Variants in PLXDC2 observed in about 807,000 individuals in gnomAD.
PLXDC2 encodes the protein plexin domain containing 2, also known as plexin domain-containing protein 2.
A neutral mutation model predicts 68.9 loss-of-function variants in PLXDC2; 40 were observed. The observed-to-expected ratio is 0.58, with a 90% CI of 0.45 to 0.76. The LOEUF (loss-of-function observed/expected upper bound fraction) is 0.76, where lower values mean the gene tolerates loss of function less well. PLXDC2 is among the 30% of genes least tolerant of loss of function. PLXDC2 has a pLI of 0.00. For missense variants in PLXDC2, 644 were observed against 661.9 expected (o/e 0.97, Z 0.30); for synonymous variants, 243 against 234.2 (o/e 1.04, Z -0.34).
chr10:19,977,527 G>A (rs1334241231), intron 1 of PLXDC2, among the ~76,000 whole-genome samples: 1 of 152,220 alleles, frequency 6.6e-6, no homozygotes, highest in Non-Finnish European at 1.5e-5. Flanking sequence ...TATAAGGGCA[G>A]TGTGGCTGCT....
At chr10:19,860,345 C>T (rs1310202217) in intron 1 of PLXDC2, among the ~76,000 whole-genome samples, 1 of 152,160 alleles carries the variant, frequency 6.6e-6, no homozygotes, top group Non-Finnish European at 1.5e-5. Flanking sequence ...TGCCATGGTA[C>T]TAAGATTTTC....
intron 4 of PLXDC2, among the ~76,000 whole-genome samples, chr10:20,084,350 G>A (rs1255136381): frequency 1.3e-5 from 2 of 152,140 alleles, no homozygotes; most frequent in Admixed American, 1.3e-4. Context: ...TGTCCTGATT[G>A]GAGGCACCCT....
chr10:20,243,105 A>G (rs945813308), intron 12 of PLXDC2, among the ~76,000 whole-genome samples: 1 of 152,200 alleles, frequency 6.6e-6, no homozygotes, highest in Non-Finnish European at 1.5e-5. Context: ...AGAACTCACA[A>G]CATGAAATAA....
At chr10:19,834,934 G>A (rs1201748203) in intron 1 of PLXDC2, among the ~76,000 whole-genome samples, 2 of 152,154 alleles carry the variant, frequency 1.3e-5, no homozygotes, top group Admixed American at 1.3e-4. Flanking sequence ...TGAGAAATGG[G>A]AGCATAGGTC....
intron 1 of PLXDC2, among the ~76,000 whole-genome samples, chr10:19,995,849 A>C (rs1008372076): frequency 6.6e-6 from 1 of 152,210 alleles, no homozygotes; most frequent in African/African-American, 2.4e-5. Flanking sequence ...TATTGAGCTG[A>C]ATCTTGAAGG....
chr10:20,215,923 G>A (rs1182652093), intron 10 of PLXDC2, among the ~76,000 whole-genome samples: 2 of 152,030 alleles, frequency 1.3e-5, no homozygotes, highest in Non-Finnish European at 2.9e-5. Context: ...GAGCATAATG[G>A]GAGAGGTGAT....
chr10:19,830,372 G>C (rs1340829623), intron 1 of PLXDC2, among the ~76,000 whole-genome samples: 4 of 152,172 alleles, frequency 2.6e-5, no homozygotes, highest in Non-Finnish European at 5.9e-5. Context: ...GTTCAGGTCA[G>C]CATCTACCAT....
intron 13 of PLXDC2, among the ~76,000 whole-genome samples, chr10:20,271,470 AAG>A (rs1442610402): frequency 6.6e-6 from 1 of 152,206 alleles, no homozygotes; most frequent in Non-Finnish European, 1.5e-5. Context: ...AGAATTCAAC[AAG>A]AGAAGAGTAA....
intron 9 of PLXDC2, among the ~76,000 whole-genome samples, chr10:20,186,466 G>T (rs1341042935): frequency 6.6e-6 from 1 of 151,732 alleles, no homozygotes; most frequent in Non-Finnish European, 1.5e-5. Context: ...TGTTATATAG[G>T]TAAACTCACG....
At chr10:19,966,380 ATG>A (rs1240296762) in intron 1 of PLXDC2, among the ~76,000 whole-genome samples, 5 of 147,494 alleles carry the variant, frequency 3.4e-5, no homozygotes, top group Non-Finnish European at 7.5e-5. Context: ...AAAAATATAT[ATG>A]TGCACATATA....
chr10:19,843,679 A>G lies in PLXDC2; in HGVS notation c.112+26488A>G, dbSNP rs1249091913. On this transcript the variant is annotated intron_variant, in intron 1 of 13. Coordinates refer to ENST00000377252, the MANE Select transcript of PLXDC2 (RefSeq NM_032812.9). The stretch of plus-strand genomic sequence containing the variant: ...AAATAAGGCAGGAACAGAAAGAAAG[A>G]TCCCACATGTTTCTCATTCATATGT... Among the ~76,000 whole-genome samples, 3 of 152,196 alleles carry G rather than the reference A, an allele frequency of 2.0e-5. No homozygotes were observed. In the South Asian group the frequency reaches 6.2e-4, roughly 32 times the overall value.
chr10:20,040,691 C>T (rs79722338), intron 2 of PLXDC2, among the ~76,000 whole-genome samples: 4,368 of 152,136 alleles, frequency 0.029, 80 homozygotes, highest in Non-Finnish European at 0.044. Flanking sequence ...AAGATCCTAT[C>T]CCCTCCCTCA....
chr10:20,238,690 T>TATATATATATATATATATATATATAC (rs1835471667), intron 12 of PLXDC2, among the ~76,000 whole-genome samples: 4 of 130,348 alleles, frequency 3.1e-5, no homozygotes, highest in Admixed American at 2.4e-4. Context: ...TATATATATA[T>TATATATATATATATATATATATATAC]ATACACACAT....
chr10:20,151,924 A>T lies in PLXDC2; in HGVS notation c.783+4022A>T, dbSNP rs193175942. 4.6e-5 allele frequency among the ~76,000 whole-genome samples: 7 copies of T among 152,232 alleles called. No individual in the cohort carries two copies. The East Asian group carries it at 1.4e-3, about 29-fold the overall frequency. ...TGAATGAGAAGAAAAATTCTGATTT[A>T]CACAAAACCCACCACCAATTTGGGG... On this transcript the variant is annotated intron_variant, in intron 6 of 13. Coordinates refer to ENST00000377252, the MANE Select transcript of PLXDC2 (RefSeq NM_032812.9).
At chr10:20,057,884 T>C (rs1836026851) in intron 3 of PLXDC2, among the ~76,000 whole-genome samples, 1 of 151,584 alleles carries the variant, frequency 6.6e-6, no homozygotes, top group Non-Finnish European at 1.5e-5. Context: ...AATCAGAAAG[T>C]TGATAAATGT....
chr10:20,162,813 C>T (rs1018660929), intron 6 of PLXDC2, among the ~76,000 whole-genome samples: 2 of 150,858 alleles, frequency 1.3e-5, no homozygotes, highest in Non-Finnish European at 2.9e-5. Flanking sequence ...CCTGCAATCC[C>T]AGCACTTTGG....
At chr10:20,236,301 CA>C (rs1181247701) in intron 12 of PLXDC2, among the ~76,000 whole-genome samples, 8 of 151,818 alleles carry the variant, frequency 5.3e-5, no homozygotes, top group Non-Finnish European at 1.2e-4. Context: ...AAAAGTTAGC[CA>C]GGAATGGTGG....
intron 1 of PLXDC2, among the ~76,000 whole-genome samples, chr10:19,913,478 C>A (rs979655744): frequency 4.6e-5 from 7 of 152,146 alleles, no homozygotes; most frequent in African/African-American, 1.7e-4. Flanking sequence ...GACTAATACC[C>A]TCAGTTTTAT....
At chr10:20,090,026 C>A (rs1203410021) in intron 4 of PLXDC2, among the ~76,000 whole-genome samples, 2 of 152,040 alleles carry the variant, frequency 1.3e-5, no homozygotes, top group African/African-American at 4.8e-5. Context: ...GTTATCATTG[C>A]CAGTGGCACC....
Sources: gnomAD v4.1 joint callset for allele counts (sites outside exome capture counted in the v4.1 genomes callset) on GRCh38, gnomAD v4.1.1 for gene constraint, MANE v1.5 for transcripts, NCBI Gene and HGNC (gene_info 2026-07-23, HGNC 2026-07-21) for gene names.